BBX: variants seen among roughly 807,000 people sequenced by gnomAD.
BBX encodes the protein HMG box transcription factor BBX.
In BBX, 30 loss-of-function variants were observed where a neutral mutation model predicts 100.2. The ratio of observed to expected loss-of-function variants is 0.30; its 90% CI spans 0.22 to 0.41. BBX has a LOEUF of 0.41. Ranked by LOEUF, BBX falls within the 10% of genes least tolerant of loss-of-function variation. BBX has a pLI of 1.00. For synonymous variants in BBX, 376 were observed against 388.1 expected, an observed-to-expected ratio of 0.97 and a Z score of 0.37; for missense variants, 1,023 against 1,129.8, an observed-to-expected ratio of 0.91 and a Z score of 1.35.
At chr3:107,620,132 C>T (rs1428572589) in intron 2 of BBX, among the ~76,000 whole-genome samples, 2 of 148,568 alleles carry the variant, frequency 1.3e-5, no homozygotes, top group Non-Finnish European at 3.0e-5. Flanking sequence ...TTTATTTTCT[C>T]CTTTACTGAT....
At chr3:107,544,246 G>A (rs2049054676) in intron 2 of BBX, among the ~76,000 whole-genome samples, 1 of 152,120 alleles carries the variant, frequency 6.6e-6, no homozygotes, top group South Asian at 2.1e-4. Context: ...TGAGAAAAAA[G>A]TTACCTCTTT....
chr3:107,754,543 A>G (rs1245555572), intron 9 of BBX, among the ~76,000 whole-genome samples: 1 of 152,198 alleles, frequency 6.6e-6, no homozygotes. Context: ...ACATGCTTCT[A>G]CAAAGGCCTG....
chr3:107,746,299 C>T (rs887465622), intron 8 of BBX, among the ~76,000 whole-genome samples: 1 of 152,098 alleles, frequency 6.6e-6, no homozygotes, highest in Admixed American at 6.6e-5. Flanking sequence ...CCTAAGATTA[C>T]AGGAAGATTT....
intron 3 of BBX, among the ~76,000 whole-genome samples, chr3:107,703,592 C>T (rs138380748): frequency 6.6e-6 from 1 of 152,258 alleles, no homozygotes; most frequent in East Asian, 1.9e-4. Context: ...AAGAGCATAT[C>T]GATAACATCT....
At chr3:107,549,396 G>C (rs889449092) in intron 2 of BBX, among the ~76,000 whole-genome samples, 1 of 152,188 alleles carries the variant, frequency 6.6e-6, no homozygotes, top group Non-Finnish European at 1.5e-5. Flanking sequence ...AAGGGAAGGA[G>C]AGAGAGGGGA....
chr3:107,805,739 G>A lies in BBX; in HGVS notation c.*282G>A. 1 of 439,132 alleles carries A rather than the reference G, an allele frequency of 2.3e-6. No homozygotes were observed. The highest frequency in any genetic ancestry group is 2.0e-5 in the African/African-American group (1 of 50,822). 27.2% of individuals were successfully genotyped at this position (439,132 alleles called of 1,614,324 possible). On this transcript the variant is annotated 3_prime_UTR_variant, in exon 18 of 18. Coordinates refer to ENST00000325805, the MANE Select transcript of BBX (RefSeq NM_001142568.3). ...TTGAAGGCTTTTGACGGTAATAGGT[G>A]GTAACTTGGTAAAAGGCTGCCTTTA...
intron 13 of BBX, among the ~76,000 whole-genome samples, chr3:107,780,590 T>C (rs1233190023): frequency 6.6e-6 from 1 of 152,106 alleles, no homozygotes; most frequent in Non-Finnish European, 1.5e-5. Context: ...AGTATATCAG[T>C]AATTACATAT....
intron 2 of BBX, among the ~76,000 whole-genome samples, chr3:107,586,124 C>T (rs943740182): frequency 4.5e-4 from 69 of 152,204 alleles, no homozygotes; most frequent in Admixed American, 2.4e-3. Context: ...AAAAAATAGA[C>T]GGTGATTATT....
At chr3:107,789,951 A>G (rs772150916) in intron 14 of BBX, 75 bp downstream of exon 14, 48 of 1,184,382 alleles carry the variant, frequency 4.1e-5, no homozygotes, top group Non-Finnish European at 5.5e-5. Flanking sequence ...TAATGCTCCC[A>G]TGCACTGCCT....
intron 3 of BBX, among the ~76,000 whole-genome samples, chr3:107,659,243 A>G (rs1285342054): frequency 1.3e-5 from 2 of 151,834 alleles, no homozygotes; most frequent in African/African-American, 4.8e-5. Context: ...ACATTTTATT[A>G]TATTTATTTT....
chr3:107,572,956 T>G (rs1223470363), intron 2 of BBX, among the ~76,000 whole-genome samples: 2 of 152,192 alleles, frequency 1.3e-5, no homozygotes, highest in Non-Finnish European at 2.9e-5. Flanking sequence ...ATATAATATT[T>G]TAAATGTTAT....
intron 3 of BBX, among the ~76,000 whole-genome samples, chr3:107,691,846 C>CGTTGAG (rs2060189130): frequency 6.6e-6 from 1 of 152,102 alleles, no homozygotes; most frequent in Non-Finnish European, 1.5e-5. Context: ...AGTAGGTGGG[C>CGTTGAG]GTTGCAGCAG....
rs1249283476 is a variant in BBX at position 107,583,289 on chromosome 3, G to A, written c.-84+56891G>A. ...AAACTCTTTAACTTTCAAAAGGATT[G>A]GAAAGGAACTTGCAGATCAGCTGCT... On this transcript the variant is annotated intron_variant, in intron 2 of 17. Transcript: ENST00000325805. 9.9e-5 allele frequency among the ~76,000 whole-genome samples: 15 copies of A among 151,926 alleles called. No homozygotes were observed. The East Asian group carries it at 2.1e-3, about 22-fold the overall frequency.
chr3:107,684,437 T>C (rs2059730334), intron 3 of BBX: 1 of 152,190 alleles, frequency 6.6e-6, no homozygotes, highest in African/African-American at 2.4e-5. Context: ...AGATGCTGAA[T>C]AACTCTCTAA....
intron 3 of BBX, among the ~76,000 whole-genome samples, chr3:107,679,737 C>G (rs1408983282): frequency 6.6e-6 from 1 of 152,130 alleles, no homozygotes; most frequent in Non-Finnish European, 1.5e-5. Flanking sequence ...CTTTCTCTTT[C>G]CTCTGAACTT....
intron 2 of BBX, among the ~76,000 whole-genome samples, chr3:107,620,859 A>G (rs2055694140): frequency 6.9e-6 from 1 of 145,658 alleles, no homozygotes; most frequent in African/African-American, 2.5e-5. Context: ...CCACCCAAAC[A>G]GGGAGAGGAG....
At chr3:107,696,706 G>T (rs1259056586) in intron 3 of BBX, among the ~76,000 whole-genome samples, 1 of 151,560 alleles carries the variant, frequency 6.6e-6, no homozygotes, top group Non-Finnish European at 1.5e-5. Context: ...GAGTATCTTT[G>T]TGGCGTTCTC....
chr3:107,527,938 G>T (rs507078), intron 2 of BBX, among the ~76,000 whole-genome samples: 42,887 of 152,092 alleles, frequency 0.28, 6,480 homozygotes, highest in African/African-American at 0.33. Context: ...GCAACAAACT[G>T]TTAATATTCC....
At chr3:107,750,173 C>T (rs2064966822) in intron 9 of BBX, among the ~76,000 whole-genome samples, 2 of 152,162 alleles carry the variant, frequency 1.3e-5, no homozygotes, top group Admixed American at 1.3e-4. Flanking sequence ...AAAAGAACTT[C>T]TTACTTGGAG....
Sources: allele counts gnomAD v4.1 joint callset (sites outside exome capture counted in the v4.1 genomes callset), GRCh38; gene constraint gnomAD v4.1.1; transcripts MANE v1.5; gene names NCBI Gene and HGNC (gene_info 2026-07-23, HGNC 2026-07-21).